The following ATPAF2 variants were observed in gnomAD, a reference collection of about 807,000 sequenced individuals.
ATPAF2 encodes ATP12 homolog.
ATPAF2 carries 30 observed loss-of-function variants against 36.6 expected under a neutral mutation model. The observed-to-expected ratio is 0.82, with a 90% CI of 0.61 to 1.11. ATPAF2 has a LOEUF of 1.11. ATPAF2 is among the 50% of genes most tolerant of loss of function. The pLI, the probability that ATPAF2 is intolerant of heterozygous loss-of-function variation, is 0.00. For synonymous variants in ATPAF2, 140 were observed against 152.6 expected, an observed-to-expected ratio of 0.92 and a Z score of 0.61; for missense variants, 321 against 372.3, an observed-to-expected ratio of 0.86 and a Z score of 1.13.
At chr17:18,024,449 T>C (rs905173369) in intron 5 of ATPAF2, among the ~76,000 whole-genome samples, 175 bp downstream of exon 5, 2 of 152,184 alleles carry the variant, frequency 1.3e-5, no homozygotes. Context: ...GAGGTGCTTT[T>C]TTCCCAGGAT....
chr17:18,019,183 A>ACACACACACACCCCAC (rs1396685458), intron 7 of ATPAF2, among the ~76,000 whole-genome samples: 20 of 150,712 alleles, frequency 1.3e-4, no homozygotes, highest in African/African-American at 4.7e-4. Context: ...ACACACACAC[A>ACACACACACACCCCAC]CACCCCACCA....
At chr17:18,021,549 A>C in intron 6 of ATPAF2, 196 bp downstream of exon 6, 1 of 642,402 alleles carries the variant, frequency 1.6e-6, no homozygotes, top group Non-Finnish European at 2.8e-6. Flanking sequence ...CTGCTGGCGA[A>C]GTCGAAGGTG....
chr17:18,016,379 A>G (rs558466497), downstream of ATPAF2: 127 of 816,818 alleles, frequency 1.6e-4, no homozygotes, highest in South Asian at 1.7e-3. Context: ...CATGGGCTTC[A>G]TCATTTTCCT....
At chr17:18,017,158 C>A (rs937657561), downstream of ATPAF2, among the ~76,000 whole-genome samples, 7 of 110,756 alleles carry the variant, frequency 6.3e-5, no homozygotes, top group Admixed American at 7.1e-4. Context: ...GGCGACAGAG[C>A]GAGACTTCGT....
rs1183913558 is a variant in ATPAF2, at chr17:18,038,891, G to A, written c.123C>T (p.Ala41=). ...PTIPSPARAY[A]PPTERKRFYQ... is the part of the protein sequence containing the mutation. ...ATGTCATGGTCTTACCTGTCGGCGG[G>A]GCGTAAGCCCGGGCTGGAGACGGGA... is the stretch of plus-strand genomic sequence containing the variant. Residue 41 remains alanine, a synonymous_variant, in exon 1 of 8, where the codon GCC becomes GCT. Coordinates refer to ENST00000474627, the MANE Select transcript of ATPAF2 (RefSeq NM_145691.4). 4 of 1,613,920 alleles carry A rather than the reference G, an allele frequency of 2.5e-6. No homozygotes were observed. Among genetic ancestry groups the A allele is most frequent in the Non-Finnish European group, 3.4e-6 (4 of 1,179,902 alleles).
chr17:18,035,118 AC>A (rs2044686363), intron 1 of ATPAF2, among the ~76,000 whole-genome samples: 1 of 152,090 alleles, frequency 6.6e-6, no homozygotes, highest in Middle Eastern at 3.4e-3. Flanking sequence ...AGCCCTAGCT[AC>A]TTGGGAGGCT....
At chr17:18,020,896 A>G in intron 7 of ATPAF2, 1 of 1,167,152 alleles carries the variant, frequency 8.6e-7, no homozygotes, top group Non-Finnish European at 1.1e-6. Flanking sequence ...CCTGACCTCA[A>G]ATGATCCATC....
chr17:18,017,828 A>G (rs2044406460), downstream of ATPAF2, among the ~76,000 whole-genome samples: 1 of 152,222 alleles, frequency 6.6e-6, no homozygotes, highest in African/African-American at 2.4e-5. Flanking sequence ...CTCCTGGGAC[A>G]CTAGAGGTGG....
intron 1 of ATPAF2, among the ~76,000 whole-genome samples, chr17:18,037,614 A>G (rs934412090): frequency 5.9e-5 from 9 of 152,162 alleles, no homozygotes; most frequent in Non-Finnish European, 7.4e-5. Flanking sequence ...AGAAGAAGAA[A>G]AAAAAAGAAC....
intron 1 of ATPAF2, among the ~76,000 whole-genome samples, chr17:18,035,512 C>T (rs1261710856): frequency 1.3e-5 from 2 of 152,156 alleles, no homozygotes; most frequent in Admixed American, 1.3e-4. Flanking sequence ...ATTTACACTT[C>T]AAGTAAATGA....
intron 3 of ATPAF2, 51 bp downstream of exon 3, chr17:18,028,181 C>G (rs374871955): frequency 1.2e-6 from 2 of 1,612,840 alleles, no homozygotes; most frequent in African/African-American, 1.3e-5. Flanking sequence ...GTCTACCCTA[C>G]GAAGCCCTGG....
At position 18,021,194 on chromosome 17, in the gene ATPAF2, A is replaced by G; in HGVS notation, c.661T>C (p.Leu221=). The change falls in exon 7 of 8, where the codon TTG becomes CTG. Residue 221 remains leucine, a synonymous_variant. Coordinates refer to ENST00000474627, the MANE Select transcript of ATPAF2 (RefSeq NM_145691.4). Reference sequence around the variant, plus strand: ...GTCAGGCGCAGGTCAATCAGGCCCAAGGTTAGCACCATGGACTTGAGCTGG... The same window carrying G: ...GTCAGGCGCAGGTCAATCAGGCCCAGGGTTAGCACCATGGACTTGAGCTGG... ...AAQLKSMVLT[L]GLIDLRLTVE... 2.5e-6 allele frequency: 4 copies of G among 1,614,008 alleles called. 1 individual carries two copies. The South Asian group carries it at 4.4e-5, about 18-fold the overall frequency.
At chr17:18,028,919 C>G (rs2044587257) in intron 1 of ATPAF2, among the ~76,000 whole-genome samples, 1 of 152,056 alleles carries the variant, frequency 6.6e-6, no homozygotes, top group Admixed American at 6.6e-5. Flanking sequence ...AGCCTGGGGA[C>G]AAGTCTGATC....
At chr17:18,025,835 G>A (rs956607765) in intron 4 of ATPAF2, among the ~76,000 whole-genome samples, 2 of 152,164 alleles carry the variant, frequency 1.3e-5, no homozygotes, top group South Asian at 2.1e-4. Flanking sequence ...TAGCAGGCAC[G>A]GTGCTGCTCA....
chr17:18,020,466 G>T (rs1224352230), intron 7 of ATPAF2, among the ~76,000 whole-genome samples: 2 of 152,218 alleles, frequency 1.3e-5, no homozygotes, highest in Non-Finnish European at 2.9e-5. Context: ...AGTGAGGCCT[G>T]ACGGCCTTGG....
At chr17:18,022,755 G>A (rs1196987522) in intron 5 of ATPAF2, among the ~76,000 whole-genome samples, 2 of 151,958 alleles carry the variant, frequency 1.3e-5, no homozygotes, top group Non-Finnish European at 2.9e-5. Flanking sequence ...AAATAAAACA[G>A]AAAAACACAA....
downstream of ATPAF2, chr17:18,015,584 TGGCA>T: frequency 1.3e-5 from 2 of 154,278 alleles, no homozygotes; most frequent in Admixed American, 6.4e-5. Context: ...TTGACATGAG[TGGCA>T]GTGGAGAGAC....
chr17:18,031,737 A>G (rs948421017), intron 1 of ATPAF2, among the ~76,000 whole-genome samples: 2 of 152,190 alleles, frequency 1.3e-5, no homozygotes, highest in East Asian at 3.9e-4. Flanking sequence ...CTGAGATCGC[A>G]CCACTGCACT....
chr17:18,019,443 G>C (rs1568564244), intron 7 of ATPAF2, among the ~76,000 whole-genome samples: 2 of 152,268 alleles, frequency 1.3e-5, no homozygotes, highest in Non-Finnish European at 2.9e-5. Flanking sequence ...GGCTACAAGT[G>C]CCCCCCAGCG....
Sources: gnomAD v4.1 joint callset for allele counts (sites outside exome capture counted in the v4.1 genomes callset) on GRCh38, gnomAD v4.1.1 for gene constraint, MANE v1.5 for transcripts, NCBI Gene and HGNC (gene_info 2026-07-23, HGNC 2026-07-21) for gene names.